GSTP1: variants seen among roughly 807,000 people sequenced by gnomAD.
GSTP1 encodes the protein glutathione S-transferase P.
A neutral mutation model predicts 29.4 loss-of-function variants in GSTP1; 28 were observed. The ratio of observed to expected loss-of-function variants is 0.95; its 90% CI spans 0.71 to 1.30. The LOEUF is 1.30. Ranked by LOEUF, GSTP1 falls within the 50% of genes most tolerant of loss-of-function variation. GSTP1 has a pLI of 0.00. For synonymous variants in GSTP1, 122 were observed against 117.0 expected (o/e 1.04, Z -0.28); for missense variants, 267 against 266.1 (o/e 1.00, Z -0.02).
In GSTP1 at chr11:67,584,726, C is replaced by T. The variant is rs377039913; in HGVS notation, c.186C>T (p.Thr62=). 4.5e-5 allele frequency: 73 copies of T among 1,613,606 alleles called. No homozygotes were observed. Among genetic ancestry groups the T allele is most frequent in the Non-Finnish European group, 6.0e-5 (71 of 1,179,926 alleles). ...QLPKFQDGDL[T]LYQSNTILRH... ...CCAAGTTCCAGGACGGAGACCTCAC[C>T]CTGTACCAGTCCAATACCATCCTGC... Residue 62 remains threonine, a synonymous_variant, in exon 4 of 7, where the codon ACC becomes ACT. Coordinates refer to ENST00000398606, the MANE Select transcript of GSTP1 (RefSeq NM_000852.4).
intron 5 of GSTP1, among the ~76,000 whole-genome samples, chr11:67,585,815 T>C (rs1200064413): frequency 1.3e-5 from 2 of 151,974 alleles, no homozygotes; most frequent in Non-Finnish European, 2.9e-5. Flanking sequence ...TGGGGGCCAT[T>C]GAGAAGTCTG....
rs759750120 is a variant in GSTP1, at chr11:67,586,141, G to A, written c.374G>A (p.Gly125Glu). 9 of 1,613,952 alleles carry A rather than the reference G, an allele frequency of 5.6e-6. No individual in the cohort carries two copies. The highest frequency in any genetic ancestry group is 5.0e-5 in the Admixed American group (3 of 59,996). ...GATGACTATGTGAAGGCACTGCCCG[G>A]GCAACTGAAGCCTTTTGAGACCCTG... The part of the protein sequence containing the change: ...GKDDYVKALP[G>E]QLKPFETLLS... Residue 125 changes from glycine (G) to glutamate (E), a missense_variant, in exon 6 of 7, where the codon GGG (glycine) becomes GAG (glutamate). By Grantham distance (98) the Gly-to-Glu change is moderately conservative (BLOSUM62 -2). Coordinates refer to ENST00000398606, the MANE Select transcript of GSTP1 (RefSeq NM_000852.4).
chr11:67,586,069 A>G, intron 5 of GSTP1, 35 bp from the exon 6 acceptor site: 8 of 1,501,606 alleles, frequency 5.3e-6, no homozygotes, highest in Non-Finnish European at 7.4e-6. Flanking sequence ...GCTGGGAGGG[A>G]TGAGAGTAGG....
At chr11:67,585,805 T>C (rs1257177240) in intron 5 of GSTP1, among the ~76,000 whole-genome samples, 2 of 151,908 alleles carry the variant, frequency 1.3e-5, no homozygotes, top group African/African-American at 4.8e-5. Flanking sequence ...CTAAGGGCAA[T>C]GGGGGCCATT....
Position 67,585,224 on chromosome 11 carries a change from CT to C in GSTP1, c.320del (p.Leu107ProfsTer14). On this transcript the variant is annotated frameshift_variant, in exon 5 of 7. Coordinates refer to ENST00000398606, the MANE Select transcript of GSTP1 (RefSeq NM_000852.4). LOFTEE classifies it high-confidence loss of function. ...GGACCTCCGCTGCAAATACATCTCC[CT>C]CATCTACACCAACTATGTGAGCATC... ...VEDLRCKYIS[L>X]IYTNYEAGKD... 1 of 1,597,668 alleles carries C rather than the reference CT, an allele frequency of 6.3e-7. No individual in the cohort carries two copies. The highest frequency in any genetic ancestry group is 8.6e-7 in the Non-Finnish European group (1 of 1,168,348).
At chr11:67,584,601 G>A in intron 3 of GSTP1, 31 bp downstream of exon 3, 1 of 1,572,314 alleles carries the variant, frequency 6.4e-7, no homozygotes, top group Non-Finnish European at 8.7e-7. Flanking sequence ...AAGGGGAGGG[G>A]GTGCTGGGCC....
chr11:67,584,059 G>GT lies in GSTP1; in HGVS notation c.2-75_2-74insT, dbSNP rs547917745. ...AGGGATGGGACCCCGGGGGCGGGGA[G>GT]GGGGGGCAGACTGCGCTCACCGCGC... On this transcript the variant is annotated intron_variant, in intron 1 of 6. Coordinates refer to ENST00000398606, the MANE Select transcript of GSTP1 (RefSeq NM_000852.4). The GT allele has an allele frequency of 4.9e-4, 564 of 1,148,424 alleles. 2 individuals carry two copies. In the African/African-American group the frequency reaches 0.011, roughly 21 times the overall value. The allele number at this position is 1,148,424 out of a possible 1,614,324, so 71.1% of individuals were successfully genotyped here. A position where few individuals can be genotyped will look rare whatever the true frequency, so the allele number is the denominator to read the frequency against.
At chr11:67,586,291 C>A in intron 6 of GSTP1, 80 bp downstream of exon 6, 1 of 1,529,356 alleles carries the variant, frequency 6.5e-7, no homozygotes, top group Non-Finnish European at 9.0e-7. Flanking sequence ...ATTTGTTTAG[C>A]AAAGCAGAGC....
At position 67,586,451 on chromosome 11, in the gene GSTP1, C is replaced by G; in HGVS notation, c.507C>G (p.Gly169=). The change falls in exon 7 of 7, where the codon GGC becomes GGG. Residue 169 remains glycine, a synonymous_variant. Coordinates refer to ENST00000398606, the MANE Select transcript of GSTP1 (RefSeq NM_000852.4). Reference sequence around the variant, plus strand: ...TGATCCATGAGGTCCTAGCCCCTGGCTGCCTGGATGCGTTCCCCCTGCTCT... The same window carrying G: ...TGATCCATGAGGTCCTAGCCCCTGGGTGCCTGGATGCGTTCCCCCTGCTCT... ...LLLIHEVLAP[G]CLDAFPLLSA... is the part of the protein sequence containing the mutation. 1.2e-6 allele frequency: 2 copies of G among 1,614,222 alleles called. No individual in the cohort carries two copies. Among genetic ancestry groups the G allele is most frequent in the Non-Finnish European group, 1.7e-6 (2 of 1,180,038 alleles).
In GSTP1 at chr11:67,585,202, C is replaced by A. The variant is rs1478519359; in HGVS notation, c.297C>A (p.Asp99Glu). Residue 99 changes from aspartate to glutamate, a missense_variant, in exon 5 of 7, where the codon GAC becomes GAA. Asp to Glu is a conservative substitution (Grantham distance 45). Transcript: ENST00000398606. ...LVDMVNDGVE[D>E]LRCKYISLIY... ...ACATGGTGAATGACGGCGTGGAGGA[C>A]CTCCGCTGCAAATACATCTCCCTCA... 1 of 1,602,494 alleles carries A rather than the reference C, an allele frequency of 6.2e-7. No homozygotes were observed.
Position 67,586,443 on chromosome 11 carries a change from G to A in GSTP1, c.499G>A (p.Ala167Thr). Residue 167 changes from alanine (A) to threonine (T), a missense_variant, in exon 7 of 7, where the codon GCC becomes ACC. Coordinates refer to ENST00000398606, the MANE Select transcript of GSTP1 (RefSeq NM_000852.4). Reference protein sequence around the residue: ...LDLLLIHEVLAPGCLDAFPLL... With the variant: ...LDLLLIHEVLTPGCLDAFPLL... ...CTTGCTGCTGATCCATGAGGTCCTA[G>A]CCCCTGGCTGCCTGGATGCGTTCCC... 1 of 1,614,200 alleles carries A rather than the reference G, an allele frequency of 6.2e-7. No homozygotes were observed. Among genetic ancestry groups the A allele is most frequent in the African/African-American group, 1.3e-5 (1 of 75,064 alleles).
intron 2 of GSTP1, 92 bp from the exon 3 acceptor site, chr11:67,584,372 C>T (rs1867429112): frequency 1.3e-6 from 1 of 750,752 alleles, no homozygotes; most frequent in East Asian, 2.7e-5. Context: ...ACCTGTTTCC[C>T]TGTTCCCTCC....
rs771256487 is a variant in GSTP1 at position 67,584,764 on chromosome 11, G to T, written c.224G>T (p.Arg75Leu). 6.2e-7 allele frequency: 1 copy of T among 1,609,636 alleles called. No homozygotes were observed. The highest frequency in any genetic ancestry group is 1.3e-5 in the African/African-American group (1 of 74,874). The change falls in exon 4 of 7, where the codon CGC becomes CTC. Residue 75 changes from arginine (R) to leucine (L), a missense_variant. By Grantham distance (102) the Arg-to-Leu change is moderately radical. Transcript: ENST00000398606. ...QSNTILRHLG[R>L]TLGLYGKDQQ... ...AATACCATCCTGCGTCACCTGGGCC[G>T]CACCCTTGGTGAGTCTTGAACCTCC...
chr11:67,584,998 C>T, intron 4 of GSTP1, 140 bp from the exon 5 acceptor site: 1 of 648,454 alleles, frequency 1.5e-6, no homozygotes, highest in Non-Finnish European at 2.7e-6. Flanking sequence ...GTGTGGCAGT[C>T]TCTCATCCTT....
chr11:67,584,985 G>C (rs1867441438), intron 4 of GSTP1, 153 bp from the exon 5 acceptor site: 1 of 640,506 alleles, frequency 1.6e-6, no homozygotes, highest in Admixed American at 2.6e-5. Flanking sequence ...CTGAGCACCT[G>C]CTGTGTGGCA....
chr11:67,586,027 T>C, intron 5 of GSTP1, 77 bp from the exon 6 acceptor site: 1 of 1,060,258 alleles, frequency 9.4e-7, no homozygotes, highest in Non-Finnish European at 1.4e-6. Context: ...GACTCTGGTG[T>C]CTGGCCTGGG....
Position 67,586,482 on chromosome 11 carries a change from T to C in GSTP1, c.538T>C (p.Tyr180His). The C allele has an allele frequency of 6.2e-7, 1 of 1,614,142 alleles. No individual in the cohort carries two copies. The highest frequency in any genetic ancestry group is 8.5e-7 in the Non-Finnish European group (1 of 1,179,992). Reference sequence around the variant, plus strand: ...GGATGCGTTCCCCCTGCTCTCAGCATATGTGGGGCGCCTCAGTGCCCGGCC... The same window carrying C: ...GGATGCGTTCCCCCTGCTCTCAGCACATGTGGGGCGCCTCAGTGCCCGGCC... ...CLDAFPLLSA[Y>H]VGRLSARPKL... The change falls in exon 7 of 7, where the codon TAT (tyrosine) becomes CAT (histidine). Residue 180 changes from tyrosine (Y) to histidine (H), a missense_variant. Transcript: ENST00000398606.
At position 67,584,597 on chromosome 11, in the gene GSTP1, A is replaced by G. The variant is rs760085872; in HGVS notation, c.144+27A>G. 6 of 1,572,856 alleles carry G rather than the reference A, an allele frequency of 3.8e-6. No homozygotes were observed. In the Admixed American group the frequency reaches 1.0e-4, roughly 26 times the overall value. On this transcript the variant is annotated intron_variant, in intron 3 of 6. Coordinates refer to ENST00000398606, the MANE Select transcript of GSTP1 (RefSeq NM_000852.4). Reference sequence around the variant, plus strand: ...TAAGTGACCATGCCCGGGCAAGGGGAGGGGGTGCTGGGCCTTAGGGGGCTG... The same window carrying G: ...TAAGTGACCATGCCCGGGCAAGGGGGGGGGGTGCTGGGCCTTAGGGGGCTG...
chr11:67,584,498 T>C lies in GSTP1; in HGVS notation c.72T>C (p.Asp24=), dbSNP rs1867432280. The change falls in exon 3 of 7, where the codon GAT becomes GAC. Residue 24 remains aspartate (D), a synonymous_variant. Transcript: ENST00000398606. ...RCAALRMLLA[D]QGQSWKEEVV... The stretch of plus-strand genomic sequence containing the variant: ...CGGCCCTGCGCATGCTGCTGGCAGA[T>C]CAGGGCCAGAGCTGGAAGGAGGAGG... 6.4e-7 allele frequency: 1 copy of C among 1,563,450 alleles called. No individual in the cohort carries two copies. The highest frequency in any genetic ancestry group is 2.4e-5 in the East Asian group (1 of 41,442).
Sources: gnomAD v4.1 joint callset for allele counts (sites outside exome capture counted in the v4.1 genomes callset) on GRCh38, gnomAD v4.1.1 for gene constraint, MANE v1.5 for transcripts, NCBI Gene and HGNC (gene_info 2026-07-23, HGNC 2026-07-21) for gene names.